The following SLC15A5 variants were observed in gnomAD, a reference collection of about 807,000 sequenced individuals.
SLC15A5 encodes solute carrier family 15 member 5.
In SLC15A5, 58 loss-of-function variants were observed where a neutral mutation model predicts 56.1. The ratio of observed to expected loss-of-function variants is 1.03; its 90% CI spans 0.84 to 1.29. The LOEUF (loss-of-function observed/expected upper bound fraction) is 1.29. Among genes scored for constraint, SLC15A5 ranks in the 50% most tolerant of loss-of-function variants. The pLI is 0.00. For synonymous variants in SLC15A5, 264 were observed against 250.5 expected, an observed-to-expected ratio of 1.05 and a Z score of -0.51; for missense variants, 681 against 672.1, an observed-to-expected ratio of 1.01 and a Z score of -0.15.
At chr12:16,211,095 T>C (rs1410352753) in intron 7 of SLC15A5, among the ~76,000 whole-genome samples, 1 of 152,198 alleles carries the variant, frequency 6.6e-6, no homozygotes, top group African/African-American at 2.4e-5. Flanking sequence ...GCCACTTATT[T>C]TCCCCTCTGA....
intron 7 of SLC15A5, among the ~76,000 whole-genome samples, chr12:16,210,811 G>T (rs987813897): frequency 3.3e-5 from 5 of 152,192 alleles, no homozygotes; most frequent in African/African-American, 9.7e-5. Context: ...GTCTAAAGCT[G>T]GCTCTTTCCT....
chr12:16,194,544 G>T, intron 7 of SLC15A5, 91 bp from the exon 8 acceptor site: 1 of 822,780 alleles, frequency 1.2e-6, no homozygotes, highest in Non-Finnish European at 1.8e-6. Context: ...AGCTTTGTTC[G>T]CTTCAGTAAT....
intron 5 of SLC15A5, among the ~76,000 whole-genome samples, chr12:16,234,416 C>T (rs1296178008): frequency 6.6e-6 from 1 of 152,166 alleles, no homozygotes; most frequent in Non-Finnish European, 1.5e-5. Context: ...TTTGCTACTG[C>T]ACTCTGGTGC....
In SLC15A5 at chr12:16,276,471, T is replaced by C. The variant is rs1047500928; in HGVS notation, c.361+854A>G. ...TAGTTGCCTTACAGCTTTTCACTTG[T>C]TCTCTCCTGAATTGGCACTTTATTG... On this transcript the variant is annotated intron_variant, in intron 1 of 8. Transcript: ENST00000344941. Among the ~76,000 whole-genome samples the C allele has an allele frequency of 1.2e-4, 18 of 152,090 alleles. 1 individual carries two copies. The East Asian group carries it at 3.5e-3, about 29-fold the overall frequency.
At chr12:16,193,685 C>A (rs573384388) in intron 8 of SLC15A5, among the ~76,000 whole-genome samples, 57 of 151,802 alleles carry the variant, frequency 3.8e-4, no homozygotes, top group African/African-American at 1.3e-3. Context: ...GTAAAACCCA[C>A]AAGAGGTTTT....
At chr12:16,204,070 A>G (rs901501888) in intron 7 of SLC15A5, among the ~76,000 whole-genome samples, 9 of 152,240 alleles carry the variant, frequency 5.9e-5, no homozygotes, top group Admixed American at 5.2e-4. Context: ...TTTAAAAAGT[A>G]TGTTATATAC....
At chr12:16,227,136 A>T (rs1565663773) in intron 5 of SLC15A5, among the ~76,000 whole-genome samples, 1 of 152,184 alleles carries the variant, frequency 6.6e-6, no homozygotes, top group Non-Finnish European at 1.5e-5. Context: ...ACCTCAGTTT[A>T]AAAATTTGAG....
intron 3 of SLC15A5, among the ~76,000 whole-genome samples, chr12:16,250,180 G>A (rs1324355139): frequency 6.6e-6 from 1 of 151,974 alleles, no homozygotes; most frequent in African/African-American, 2.4e-5. Flanking sequence ...TTATGTCTCA[G>A]TTTCTGTGCT....
chr12:16,274,384 T>C (rs1481964838), intron 1 of SLC15A5, among the ~76,000 whole-genome samples: 1 of 152,190 alleles, frequency 6.6e-6, no homozygotes, highest in Non-Finnish European at 1.5e-5. Context: ...ATGTTCGTTT[T>C]GCTCTTCATT....
intron 4 of SLC15A5, 122 bp from the exon 5 acceptor site, chr12:16,239,989 G>T: frequency 1.2e-6 from 1 of 867,640 alleles, no homozygotes; most frequent in Non-Finnish European, 1.7e-6. Context: ...ATGTTGCCTA[G>T]TTTTTCAAGT....
intron 7 of SLC15A5, among the ~76,000 whole-genome samples, chr12:16,211,487 G>A (rs1864080202): frequency 1.5e-5 from 1 of 68,716 alleles, no homozygotes; most frequent in Admixed American, 1.9e-4. Flanking sequence ...TCTTGATTCT[G>A]CCCAATTATC....
intron 5 of SLC15A5, among the ~76,000 whole-genome samples, chr12:16,225,654 A>G (rs1864233774): frequency 6.6e-6 from 1 of 152,250 alleles, no homozygotes; most frequent in African/African-American, 2.4e-5. Flanking sequence ...ATGAACAGAC[A>G]CTTCTCAAAA....
At chr12:16,277,292 C>G in intron 1 of SLC15A5, 33 bp downstream of exon 1, 1 of 1,448,260 alleles carries the variant, frequency 6.9e-7, no homozygotes. Flanking sequence ...TTAATTAAGT[C>G]ACAAAACAAT....
At chr12:16,265,156 G>A (rs1411939049) in intron 2 of SLC15A5, among the ~76,000 whole-genome samples, 1 of 152,162 alleles carries the variant, frequency 6.6e-6, no homozygotes, top group Non-Finnish European at 1.5e-5. Context: ...TGCAGATGCG[G>A]CAAGGTAGGG....
At chr12:16,215,215 AAAAAAAAAAAAAAAC>A (rs1175120215) in intron 7 of SLC15A5, among the ~76,000 whole-genome samples, 2 of 140,244 alleles carry the variant, frequency 1.4e-5, no homozygotes, top group Non-Finnish European at 3.1e-5. Flanking sequence ...AAAAAAAAAA[AAAAAAAAAAAAAAAC>A]CAAAGTGAGG....
At chr12:16,251,889 G>T (rs1277106758) in intron 3 of SLC15A5, among the ~76,000 whole-genome samples, 3 of 151,930 alleles carry the variant, frequency 2.0e-5, no homozygotes, top group African/African-American at 7.2e-5. Context: ...TAGTTCTGAT[G>T]AATATTGATA....
intron 2 of SLC15A5, among the ~76,000 whole-genome samples, chr12:16,259,234 A>C (rs1411886717): frequency 6.6e-6 from 1 of 151,104 alleles, no homozygotes. Context: ...ATGAGGTCTC[A>C]CTGTGTTGCC....
At chr12:16,259,185 T>C (rs1864614266) in intron 2 of SLC15A5, among the ~76,000 whole-genome samples, 1 of 142,654 alleles carries the variant, frequency 7.0e-6, no homozygotes, top group South Asian at 2.5e-4. Flanking sequence ...AAGCACGCAC[T>C]ACCATACCTG....
chr12:16,236,624 C>T (rs754384373), intron 5 of SLC15A5, among the ~76,000 whole-genome samples: 3 of 152,174 alleles, frequency 2.0e-5, no homozygotes, highest in Non-Finnish European at 4.4e-5. Flanking sequence ...ATTTCCCCAT[C>T]TCTCACTCTT....
Sources: allele counts gnomAD v4.1 joint callset (sites outside exome capture counted in the v4.1 genomes callset), GRCh38; gene constraint gnomAD v4.1.1; transcripts MANE v1.5; gene names NCBI Gene and HGNC (gene_info 2026-07-23, HGNC 2026-07-21).